The following PPARA variants were observed in gnomAD, a reference collection of about 807,000 sequenced individuals.
The protein encoded by PPARA is peroxisome proliferator-activated receptor alpha.
In PPARA, 22 loss-of-function variants were observed where a neutral mutation model predicts 42.2. The observed-to-expected ratio is 0.52, with a 90% CI of 0.37 to 0.74. The LOEUF (loss-of-function observed/expected upper bound fraction) is 0.74, where lower values mean the gene tolerates loss of function less well. PPARA is among the 30% of genes least tolerant of loss of function. The pLI is 0.00. For synonymous variants in PPARA, 242 were observed against 239.3 expected (o/e 1.01, Z -0.10); for missense variants, 465 against 608.2 (o/e 0.76, Z 2.48).
At chr22:46,198,695 C>G (rs758558261) in intron 4 of PPARA, 104 bp downstream of exon 4, 46 of 1,190,746 alleles carry the variant, frequency 3.9e-5, no homozygotes, top group Non-Finnish European at 4.7e-5. Flanking sequence ...GAGTCTCGCT[C>G]TGTCGCCCAG....
In PPARA at chr22:46,182,751, A is replaced by T. The variant is rs1265758521; in HGVS notation, c.-43+5915A>T. Among the ~76,000 whole-genome samples the T allele has an allele frequency of 6.6e-6, 1 of 151,924 alleles. No homozygotes were observed. Among genetic ancestry groups the T allele is most frequent in the Non-Finnish European group, 1.5e-5 (1 of 67,960 alleles). On this transcript the variant is annotated intron_variant, in intron 3 of 8. Transcript: ENST00000407236. The surrounding 1 kb of genome is among the most constrained non-coding windows in gnomAD (Gnocchi z 5.2). ...AGCTTTCTTTTGTTGTTTTGTTTTTATTTTATTTTTTGAGACAGAGTCTCG... is the reference window on the plus strand; with the variant it reads ...AGCTTTCTTTTGTTGTTTTGTTTTTTTTTTATTTTTTGAGACAGAGTCTCG...
Position 46,232,169 on chromosome 22 carries a change from G to A in PPARA, c.1089G>A (p.Met363Ile). 1.2e-6 allele frequency: 2 copies of A among 1,614,216 alleles called. No individual in the cohort carries two copies. Among genetic ancestry groups the A allele is most frequent in the Non-Finnish European group, 1.7e-6 (2 of 1,180,046 alleles). Reference protein sequence around the residue: ...DIMEPKFDFAMKFNALELDDS... With the variant: ...DIMEPKFDFAIKFNALELDDS... ...TGGAACCCAAGTTTGATTTTGCCATGAAGTTCAATGCACTGGAACTGGATG... is the reference window on the plus strand; with the variant it reads ...TGGAACCCAAGTTTGATTTTGCCATAAAGTTCAATGCACTGGAACTGGATG... Residue 363 changes from methionine (M) to isoleucine (I), a missense_variant, in exon 8 of 9, where the codon ATG (methionine) becomes ATA (isoleucine). Transcript: ENST00000407236. This position sits in a 1 kb window ranked among gnomAD's most constrained non-coding sequence, Gnocchi z 5.3.
At chr22:46,178,413 G>A (rs906436862) in intron 3 of PPARA, among the ~76,000 whole-genome samples, 1 of 152,184 alleles carries the variant, frequency 6.6e-6, no homozygotes, top group African/African-American at 2.4e-5. Flanking sequence ...AGGCAGTGAA[G>A]GGCACTGATG....
Position 46,198,534 on chromosome 22 carries a change from T to A in PPARA, c.151T>A (p.Phe51Ile). 1 of 1,614,136 alleles carries A rather than the reference T, an allele frequency of 6.2e-7. No individual in the cohort carries two copies. The highest frequency in any genetic ancestry group is 1.6e-4 in the Middle Eastern group (1 of 6,062). Residue 51 changes from phenylalanine to isoleucine, a missense_variant, in exon 4 of 9, where the codon TTT becomes ATT. By Grantham distance (21) the Phe-to-Ile change is conservative. Coordinates refer to ENST00000407236, the MANE Select transcript of PPARA (RefSeq NM_005036.6). ...IGEDSSGSFG[F>I]TEYQYLGSCP... ...CGAGGATAGTTCTGGAAGCTTTGGC[T>A]TTACGGAATACCAGTATTTAGGAAG...
At position 46,163,963 on chromosome 22, in the gene PPARA, C is replaced by T. The variant is rs1022506326; in HGVS notation, c.-127+11993C>T. Reference sequence around the variant, plus strand: ...GAGTGCGGTGGCTCACGCTTGTAATCCCAGCACTTTGGGAGGCTGAGGCGG... The same window carrying T: ...GAGTGCGGTGGCTCACGCTTGTAATTCCAGCACTTTGGGAGGCTGAGGCGG... On this transcript the variant is annotated intron_variant, in intron 2 of 8. Coordinates refer to ENST00000407236, the MANE Select transcript of PPARA (RefSeq NM_005036.6). This position sits in a 1 kb window ranked among gnomAD's most constrained non-coding sequence, Gnocchi z 4.9. 6.6e-6 allele frequency: 1 copy of T among 152,314 alleles called. No individual in the cohort carries two copies. The highest frequency in any genetic ancestry group is 2.1e-4 in the South Asian group (1 of 4,828). 9.4% of individuals were successfully genotyped at this position (152,314 alleles called of 1,614,324 possible).
At position 46,160,347 on chromosome 22, in the gene PPARA, A is replaced by G. The variant is rs573545380; in HGVS notation, c.-127+8377A>G. 3.3e-5 allele frequency among the ~76,000 whole-genome samples: 5 copies of G among 152,320 alleles called. No individual in the cohort carries two copies. The highest frequency in any genetic ancestry group is 1.2e-4 in the African/African-American group (5 of 41,574). On this transcript the variant is annotated intron_variant, in intron 2 of 8. Coordinates refer to ENST00000407236, the MANE Select transcript of PPARA (RefSeq NM_005036.6). The surrounding 1 kb of genome is among the most constrained non-coding windows in gnomAD (Gnocchi z 4.5). Reference sequence around the variant, plus strand: ...AGTCTCGCTCTGTCACCCAGGCCGGAGTGCAGTGGTGCGATCTCAGCTCAC... The same window carrying G: ...AGTCTCGCTCTGTCACCCAGGCCGGGGTGCAGTGGTGCGATCTCAGCTCAC...
At chr22:46,152,441 A>C (rs1361969473) in intron 2 of PPARA, among the ~76,000 whole-genome samples, 14 of 152,090 alleles carry the variant, frequency 9.2e-5, no homozygotes, top group Non-Finnish European at 5.9e-5. Context: ...CCTAGGATTC[A>C]CTTTGAAGTT....
At chr22:46,210,448 CT>C (rs762431212) in intron 4 of PPARA, among the ~76,000 whole-genome samples, 5,703 of 141,714 alleles carry the variant, frequency 0.04, 300 homozygotes, top group African/African-American at 0.12. Flanking sequence ...ATTTTCTTTT[CT>C]TTTTTTTTTT....
chr22:46,229,068 C>G (rs901040400), intron 7 of PPARA, among the ~76,000 whole-genome samples: 9 of 150,610 alleles, frequency 6.0e-5, no homozygotes, highest in African/African-American at 2.2e-4. Flanking sequence ...GATCACGCCA[C>G]TGCACTCCAG....
At chr22:46,168,959 A>G (rs981718251) in intron 2 of PPARA, among the ~76,000 whole-genome samples, 1 of 151,964 alleles carries the variant, frequency 6.6e-6, no homozygotes, top group Admixed American at 6.6e-5. Context: ...TTCCAAGGCT[A>G]CACATTATGG....
rs897408950 is a variant in PPARA at position 46,236,442 on chromosome 22, G to A, written c.*1062G>A. 3.3e-5 allele frequency: 5 copies of A among 152,596 alleles called. No individual in the cohort carries two copies. The highest frequency in any genetic ancestry group is 1.9e-4 in the East Asian group (1 of 5,190). 9.5% of individuals were successfully genotyped at this position (152,596 alleles called of 1,614,324 possible). On this transcript the variant is annotated 3_prime_UTR_variant, in exon 9 of 9. Coordinates refer to ENST00000407236, the MANE Select transcript of PPARA (RefSeq NM_005036.6). This position sits in a 1 kb window ranked among gnomAD's most constrained non-coding sequence, Gnocchi z 5.2. Reference sequence around the variant, plus strand: ...TCATAAGCTAGCACCCGTGGTAAGCGGGACGAGACAAGCTCCCGAAGCCCG... The same window carrying A: ...TCATAAGCTAGCACCCGTGGTAAGCAGGACGAGACAAGCTCCCGAAGCCCG...
intron 4 of PPARA, among the ~76,000 whole-genome samples, chr22:46,207,231 A>G (rs770216420): frequency 6.6e-6 from 1 of 151,838 alleles, no homozygotes; most frequent in Non-Finnish European, 1.5e-5. Flanking sequence ...CCCCTGCAAA[A>G]AAAAAGAAAA....
intron 2 of PPARA, chr22:46,155,051 T>G (rs1401142137): frequency 6.7e-6 from 1 of 149,924 alleles, no homozygotes; most frequent in Non-Finnish European, 1.5e-5. Context: ...AATATGTATT[T>G]GCTTATTATA....
chr22:46,199,063 G>A (rs904905826), intron 4 of PPARA, among the ~76,000 whole-genome samples: 1 of 152,186 alleles, frequency 6.6e-6, no homozygotes, highest in African/African-American at 2.4e-5. Flanking sequence ...TGGAAGGCGC[G>A]TGTCACGGCT....
At chr22:46,202,666 T>G (rs1932898891) in intron 4 of PPARA, among the ~76,000 whole-genome samples, 1 of 151,940 alleles carries the variant, frequency 6.6e-6, no homozygotes, top group Non-Finnish European at 1.5e-5. Context: ...AAATATTTTA[T>G]TTTTTATTTA....
At chr22:46,155,687 A>C (rs1925203086) in intron 2 of PPARA, 1 of 152,228 alleles carries the variant, frequency 6.6e-6, no homozygotes, top group African/African-American at 2.4e-5. Context: ...TTTCAGCCTT[A>C]TGAATTGCCC....
Position 46,180,742 on chromosome 22 carries a change from A to G in PPARA, c.-43+3906A>G, listed in dbSNP as rs1296996735. On this transcript the variant is annotated intron_variant, in intron 3 of 8. Coordinates refer to ENST00000407236, the MANE Select transcript of PPARA (RefSeq NM_005036.6). The surrounding 1 kb of genome is among the most constrained non-coding windows in gnomAD (Gnocchi z 4.2). ...TCCACTGAGCCAGTGTACACCTTAA[A>G]TAAATCCTCCTGAACCCCATCAATC... is the stretch of plus-strand genomic sequence containing the variant. 3.3e-5 allele frequency among the ~76,000 whole-genome samples: 5 copies of G among 152,272 alleles called. No individual in the cohort carries two copies. The South Asian group carries it at 1.0e-3, about 32-fold the overall frequency.
At chr22:46,220,334 A>T in intron 7 of PPARA, 1 of 376,610 alleles carries the variant, frequency 2.7e-6, no homozygotes, top group Non-Finnish European at 5.1e-6. Context: ...TCTTAAATAG[A>T]GATAGGTTCT....
chr22:46,201,382 G>A (rs904825156), intron 4 of PPARA, among the ~76,000 whole-genome samples: 3 of 152,170 alleles, frequency 2.0e-5, no homozygotes, highest in Admixed American at 6.6e-5. Context: ...ACCTTTACAG[G>A]TGGTGCAAGT....
Sources: allele counts gnomAD v4.1 joint callset (sites outside exome capture counted in the v4.1 genomes callset), GRCh38; gene constraint gnomAD v4.1.1; non-coding constraint Gnocchi (gnomAD v3.1); transcripts MANE v1.5; gene names NCBI Gene and HGNC (gene_info 2026-07-23, HGNC 2026-07-21).